Variants in ST6GALNAC3 observed in about 807,000 individuals in gnomAD.
ST6GALNAC3 encodes ST6 N-acetylgalactosaminide alpha-2,6-sialyltransferase 3.
Under a neutral mutation model 32.7 loss-of-function variants are expected in ST6GALNAC3, and 25 were observed. That is an observed-to-expected ratio of 0.76 (90% CI 0.56 to 1.07). ST6GALNAC3 has a LOEUF of 1.07. ST6GALNAC3 is among the 50% of genes least tolerant of loss of function. The probability of loss-of-function intolerance (pLI) is 0.00; values close to 1 mark genes in which losing one functional copy is unlikely to be tolerated. For synonymous variants in ST6GALNAC3, 129 were observed against 133.1 expected (o/e 0.97, Z 0.21); for missense variants, 355 against 382.4 (o/e 0.93, Z 0.60).
chr1:76,504,951 A>T lies in ST6GALNAC3; in HGVS notation c.623+92534A>T, dbSNP rs1026090818. On this transcript the variant is annotated intron_variant, in intron 3 of 4. Coordinates refer to ENST00000328299, the MANE Select transcript of ST6GALNAC3 (RefSeq NM_152996.4). ...CAGAGGCTTCCAGTATTTCTCTCTC[A>T]TACGGTAATTTCACACTTGAAACTC... is the stretch of plus-strand genomic sequence containing the variant. Among the ~76,000 whole-genome samples the T allele has an allele frequency of 2.0e-5, 3 of 152,278 alleles. No individual in the cohort carries two copies. The South Asian group carries it at 6.2e-4, about 32-fold the overall frequency.
At chr1:76,358,139 C>T (rs902718537) in intron 2 of ST6GALNAC3, among the ~76,000 whole-genome samples, 8 of 151,964 alleles carry the variant, frequency 5.3e-5, no homozygotes, top group Non-Finnish European at 1.2e-4. Flanking sequence ...GCTTTTTTGC[C>T]CCTATCGAAT....
chr1:76,409,817 A>AT (rs1180345844), intron 2 of ST6GALNAC3, among the ~76,000 whole-genome samples: 5 of 152,078 alleles, frequency 3.3e-5, no homozygotes, highest in African/African-American at 1.2e-4. Context: ...AATATGGAGA[A>AT]TTTTTTAAAT....
At chr1:76,607,821 G>A (rs1570434352) in intron 3 of ST6GALNAC3, among the ~76,000 whole-genome samples, 2 of 152,230 alleles carry the variant, frequency 1.3e-5, no homozygotes, top group Non-Finnish European at 2.9e-5. Flanking sequence ...TAGGGGACAC[G>A]CTACACAGCC....
intron 3 of ST6GALNAC3, among the ~76,000 whole-genome samples, chr1:76,552,496 T>C (rs1268014131): frequency 6.6e-6 from 1 of 152,212 alleles, no homozygotes; most frequent in Non-Finnish European, 1.5e-5. Context: ...GAGTACCAGA[T>C]ACCTCTAGTC....
intron 3 of ST6GALNAC3, among the ~76,000 whole-genome samples, chr1:76,481,260 G>A (rs1659703542): frequency 6.6e-6 from 1 of 152,154 alleles, no homozygotes; most frequent in South Asian, 2.1e-4. Context: ...TGATGATTAA[G>A]CACTAGAATA....
chr1:76,344,389 C>T (rs963011698), intron 2 of ST6GALNAC3, among the ~76,000 whole-genome samples: 1 of 152,212 alleles, frequency 6.6e-6, no homozygotes, highest in Admixed American at 6.5e-5. Context: ...CCCCACCCTC[C>T]TGACCACATT....
At chr1:76,226,909 A>G (rs763951502) in intron 1 of ST6GALNAC3, among the ~76,000 whole-genome samples, 63 of 152,138 alleles carry the variant, frequency 4.1e-4, no homozygotes, top group Non-Finnish European at 8.1e-4. Flanking sequence ...AACTTTATCA[A>G]CTGGATTCCC....
At chr1:76,623,061 C>T (rs1481956802) in intron 3 of ST6GALNAC3, among the ~76,000 whole-genome samples, 2 of 151,794 alleles carry the variant, frequency 1.3e-5, no homozygotes, top group Admixed American at 6.6e-5. Flanking sequence ...GCTGAACAGA[C>T]GAGGAATCCC....
intron 3 of ST6GALNAC3, among the ~76,000 whole-genome samples, chr1:76,610,856 G>A (rs1055513439): frequency 2.6e-5 from 4 of 152,024 alleles, no homozygotes; most frequent in Non-Finnish European, 5.9e-5. Context: ...CTGGTATGGG[G>A]ATTACTCCAC....
At chr1:76,528,709 A>G (rs1017645756) in intron 3 of ST6GALNAC3, among the ~76,000 whole-genome samples, 3 of 151,794 alleles carry the variant, frequency 2.0e-5, no homozygotes, top group African/African-American at 7.3e-5. Context: ...CAGAATGATC[A>G]GCATCCATGC....
chr1:76,511,683 G>T (rs574351478), intron 3 of ST6GALNAC3, among the ~76,000 whole-genome samples: 1 of 152,316 alleles, frequency 6.6e-6, no homozygotes, highest in Admixed American at 6.5e-5. Flanking sequence ...CGTCTCCCTT[G>T]TGTGTGGCTG....
chr1:76,453,262 TG>T (rs1467918010), intron 3 of ST6GALNAC3, among the ~76,000 whole-genome samples: 2 of 152,180 alleles, frequency 1.3e-5, no homozygotes, highest in Non-Finnish European at 2.9e-5. Context: ...GTATTTTTTT[TG>T]TTTCAATTTC....
chr1:76,523,302 T>C (rs1308141366), intron 3 of ST6GALNAC3, among the ~76,000 whole-genome samples: 2 of 152,210 alleles, frequency 1.3e-5, no homozygotes, highest in Non-Finnish European at 2.9e-5. Context: ...TTTTATAATG[T>C]TTGTCTTAAT....
intron 3 of ST6GALNAC3, among the ~76,000 whole-genome samples, chr1:76,441,759 C>G (rs537332987): frequency 1.3e-5 from 2 of 152,190 alleles, no homozygotes; most frequent in South Asian, 2.1e-4. Context: ...CCACCTCCCC[C>G]CACCCTTCCA....
intron 3 of ST6GALNAC3, among the ~76,000 whole-genome samples, chr1:76,443,665 C>T (rs1656770901): frequency 6.6e-6 from 1 of 152,306 alleles, no homozygotes. Context: ...GTGAAGGAGA[C>T]TGTGATTCTG....
chr1:76,220,962 C>G (rs1206486695), intron 1 of ST6GALNAC3, among the ~76,000 whole-genome samples: 1 of 152,162 alleles, frequency 6.6e-6, no homozygotes, highest in Non-Finnish European at 1.5e-5. Context: ...ATAGGTGGTC[C>G]TGCCCTGTTG....
chr1:76,162,959 C>T (rs990837996), intron 1 of ST6GALNAC3, among the ~76,000 whole-genome samples: 5 of 152,110 alleles, frequency 3.3e-5, no homozygotes, highest in Non-Finnish European at 5.9e-5. Flanking sequence ...ACTCAGAGAC[C>T]GGAGAGCATG....
chr1:76,266,524 C>T (rs955650872), intron 1 of ST6GALNAC3, among the ~76,000 whole-genome samples: 2 of 152,186 alleles, frequency 1.3e-5, no homozygotes, highest in Non-Finnish European at 2.9e-5. Context: ...GCTTCTGGAA[C>T]AGCAGATGTG....
In ST6GALNAC3 at chr1:76,471,239, C is replaced by G. The variant is rs555876204; in HGVS notation, c.623+58822C>G. Among the ~76,000 whole-genome samples the G allele has an allele frequency of 2.6e-5, 4 of 152,144 alleles. No homozygotes were observed. In the South Asian group the frequency reaches 8.3e-4, roughly 32 times the overall value. ...TGCTAATCACTGACCATCTGAATAC[C>G]GTTAAGGTGTAGTTCAGATACTGTC... On this transcript the variant is annotated intron_variant, in intron 3 of 4. Coordinates refer to ENST00000328299, the MANE Select transcript of ST6GALNAC3 (RefSeq NM_152996.4).
Sources: gnomAD v4.1 joint callset for allele counts (sites outside exome capture counted in the v4.1 genomes callset) on GRCh38, gnomAD v4.1.1 for gene constraint, MANE v1.5 for transcripts, NCBI Gene and HGNC (gene_info 2026-07-23, HGNC 2026-07-21) for gene names.